The following SUZ12 variants were observed in gnomAD, a reference collection of about 807,000 sequenced individuals.
SUZ12 encodes polycomb protein SUZ12.
In SUZ12, 17 loss-of-function variants were observed where a neutral mutation model predicts 87.3. The ratio of observed to expected loss-of-function variants is 0.19; its 90% CI spans 0.13 to 0.29. The LOEUF (loss-of-function observed/expected upper bound fraction) is 0.29, where lower values mean the gene tolerates loss of function less well. Ranked by LOEUF, SUZ12 falls within the 10% of genes least tolerant of loss-of-function variation. The pLI, the probability that SUZ12 is intolerant of heterozygous loss-of-function variation, is 1.00. For synonymous variants in SUZ12, 253 were observed against 312.4 expected (o/e 0.81, Z 2.01); for missense variants, 526 against 912.2 (o/e 0.58, Z 5.45).
chr17:31,999,672 C>T lies in SUZ12; in HGVS notation c.*669C>T, dbSNP rs1169787100. The T allele has an allele frequency of 4.3e-6, 1 of 230,960 alleles. No individual in the cohort carries two copies. The highest frequency in any genetic ancestry group is 8.5e-6 in the Non-Finnish European group (1 of 117,200). 14.3% of individuals were successfully genotyped at this position (230,960 alleles called of 1,614,324 possible). On this transcript the variant is annotated 3_prime_UTR_variant, in exon 16 of 16. Transcript: ENST00000322652. ...TTTTCACATTGTTGACAGTGAAATG[C>T]TATGTTGGTTTATAAGATTACAGAC... is the stretch of plus-strand genomic sequence containing the variant.
At position 31,937,188 on chromosome 17, in the gene SUZ12, C is replaced by T; in HGVS notation, c.-59C>T. ...TGGGGCGAGCGGTTGGTATTGCAGG[C>T]GCTTGCTCTCCGGGGCCGCCCGGCG... On this transcript the variant is annotated 5_prime_UTR_variant, in exon 1 of 16. Coordinates refer to ENST00000322652, the MANE Select transcript of SUZ12 (RefSeq NM_015355.4). The T allele has an allele frequency of 7.3e-7, 1 of 1,369,716 alleles. No individual in the cohort carries two copies. The highest frequency in any genetic ancestry group is 3.1e-5 in the East Asian group (1 of 32,728). The allele number at this position is 1,369,716 out of a possible 1,614,324, so 84.8% of individuals were successfully genotyped here. A position where few individuals can be genotyped will look rare whatever the true frequency, so the allele number is the denominator to read the frequency against.
At chr17:31,940,921 A>G (rs985533198) in intron 3 of SUZ12, among the ~76,000 whole-genome samples, 3 of 151,368 alleles carry the variant, frequency 2.0e-5, no homozygotes, top group Non-Finnish European at 2.9e-5. Context: ...GAGGCAGGAG[A>G]ATTGCTTGAG....
At chr17:31,981,668 T>C (rs1225110839) in intron 8 of SUZ12, among the ~76,000 whole-genome samples, 1 of 135,802 alleles carries the variant, frequency 7.4e-6, no homozygotes, top group Non-Finnish European at 1.5e-5. Context: ...TAAATTTAAG[T>C]AGTACAGCAT....
intron 5 of SUZ12, among the ~76,000 whole-genome samples, chr17:31,969,327 A>G (rs534650082): frequency 5.9e-5 from 9 of 152,220 alleles, no homozygotes; most frequent in African/African-American, 2.2e-4. Context: ...TTGTATTTTT[A>G]GTAGAGATGG....
chr17:31,937,587 G>T (rs1419745113), intron 1 of SUZ12, 67 bp downstream of exon 1: 4 of 1,520,464 alleles, frequency 2.6e-6, no homozygotes, highest in Non-Finnish European at 3.5e-6. Flanking sequence ...GGGACACTCT[G>T]CTGGGCCCCC....
intron 3 of SUZ12, among the ~76,000 whole-genome samples, chr17:31,943,559 A>G (rs1407935588): frequency 2.6e-5 from 4 of 152,184 alleles, no homozygotes; most frequent in African/African-American, 7.2e-5. Flanking sequence ...ATCGATTGCT[A>G]ATGTTTATCT....
intron 8 of SUZ12, among the ~76,000 whole-genome samples, chr17:31,979,065 C>T (rs1361715368): frequency 6.3e-5 from 9 of 143,378 alleles, no homozygotes; most frequent in African/African-American, 1.3e-4. Context: ...GAGATCGCGC[C>T]GCTGCACTCC....
chr17:31,997,540 G>A (rs1910039011), intron 15 of SUZ12, among the ~76,000 whole-genome samples: 1 of 151,914 alleles, frequency 6.6e-6, no homozygotes, highest in South Asian at 2.1e-4. Context: ...TCACACACCT[G>A]TAATCCCAGT....
chr17:31,953,477 A>G (rs1907106776), intron 4 of SUZ12, among the ~76,000 whole-genome samples: 1 of 152,042 alleles, frequency 6.6e-6, no homozygotes, highest in African/African-American at 2.4e-5. Flanking sequence ...GCACAATGAT[A>G]GGTCACTGAT....
At chr17:31,997,401 G>T (rs907856016) in intron 15 of SUZ12, among the ~76,000 whole-genome samples, 2 of 152,122 alleles carry the variant, frequency 1.3e-5, no homozygotes, top group Admixed American at 6.5e-5. Flanking sequence ...AGTGGCTCAT[G>T]CCTGTAATCC....
rs1909203716 is a variant in SUZ12 at position 31,983,087 on chromosome 17, A to T, written c.1006A>T (p.Thr336Ser). 6.2e-7 allele frequency: 1 copy of T among 1,613,448 alleles called. No homozygotes were observed. Among genetic ancestry groups the T allele is most frequent in the African/African-American group, 1.3e-5 (1 of 74,852 alleles). The change falls in exon 9 of 16, where the codon ACT (threonine) becomes TCT (serine). Residue 336 changes from threonine to serine, a missense_variant. By Grantham distance (58) the Thr-to-Ser change is moderately conservative. Around this residue, in one of 9 missense-constraint regions of SUZ12, gnomAD observed 10 missense variants for 50.9 expected, o/e 0.20. Transcript: ENST00000322652. ...AAGCAAGAAAAGAGCAACATGGGAG[A>T]CTATTCTTGATGGGAAGGTATGGAC... is the stretch of plus-strand genomic sequence containing the variant. ...PISKKRATWETILDGKRLPPF... is the reference protein window; with the variant it reads ...PISKKRATWESILDGKRLPPF...
intron 6 of SUZ12, among the ~76,000 whole-genome samples, chr17:31,974,773 T>A (rs569389108): frequency 1.3e-5 from 2 of 152,326 alleles, no homozygotes; most frequent in African/African-American, 4.8e-5. Context: ...TTAGACTGTA[T>A]GTATTCTATT....
intron 4 of SUZ12, among the ~76,000 whole-genome samples, chr17:31,965,148 A>T (rs893222223): frequency 7.4e-6 from 1 of 134,916 alleles, no homozygotes; most frequent in African/African-American, 3.8e-5. Context: ...CCATCATTTA[A>T]AAAAAAAATA....
chr17:31,974,931 T>G (rs1196473201), intron 6 of SUZ12, among the ~76,000 whole-genome samples: 3 of 149,592 alleles, frequency 2.0e-5, no homozygotes, highest in Non-Finnish European at 2.9e-5. Context: ...ACCAGTTTTG[T>G]TTTTGTTTTT....
chr17:31,994,769 G>GA, intron 13 of SUZ12, 48 bp downstream of exon 13: 1 of 1,572,906 alleles, frequency 6.4e-7, no homozygotes, highest in East Asian at 2.3e-5. Flanking sequence ...GATTTTTACT[G>GA]ATGTTGGAGG....
chr17:31,953,728 T>TTTTA (rs1907123152), intron 4 of SUZ12, among the ~76,000 whole-genome samples: 1 of 150,786 alleles, frequency 6.6e-6, no homozygotes, highest in Non-Finnish European at 1.5e-5. Flanking sequence ...TTTTTTTTTT[T>TTTTA]TTTGGAGACT....
intron 3 of SUZ12, among the ~76,000 whole-genome samples, chr17:31,944,397 G>A (rs1178197296): frequency 6.6e-6 from 1 of 152,080 alleles, no homozygotes; most frequent in Non-Finnish European, 1.5e-5. Context: ...CAAAGTGCTG[G>A]GATTACAGGT....
Position 31,947,683 on chromosome 17 carries a change from T to C in SUZ12, c.453T>C (p.His151=). Residue 151 remains histidine (H), a splice_region_variant and synonymous_variant, in exon 4 of 16, where the codon CAT becomes CAC. Transcript: ENST00000322652. ...AAATGAAAGGAGAGCAAGAATCTCA[T>C]AGGTAAGATAATCTATCAGTTTACA... ...VEKMKGEQES[H]SLSAHLQLTF... is the part of the protein sequence containing the mutation. 1 of 1,607,446 alleles carries C rather than the reference T, an allele frequency of 6.2e-7. No individual in the cohort carries two copies. Among genetic ancestry groups the C allele is most frequent in the Non-Finnish European group, 8.5e-7 (1 of 1,176,092 alleles).
intron 4 of SUZ12, among the ~76,000 whole-genome samples, chr17:31,963,252 C>A (rs77136982): frequency 0.16 from 23,462 of 144,404 alleles, no homozygotes; most frequent in African/African-American, 0.31. Context: ...TCAAGTGATT[C>A]TCCTGCCTCA....
Sources: allele counts gnomAD v4.1 joint callset (sites outside exome capture counted in the v4.1 genomes callset), GRCh38; gene constraint gnomAD v4.1.1; regional missense constraint gnomAD v4.1.1; transcripts MANE v1.5; gene names NCBI Gene and HGNC (gene_info 2026-07-23, HGNC 2026-07-21).